CLPX: variants seen among roughly 807,000 people sequenced by gnomAD.
CLPX encodes the protein ATP-dependent clpX-like chaperone, mitochondrial.
In CLPX, 34 loss-of-function variants were observed where a neutral mutation model predicts 76.4. That is an observed-to-expected ratio of 0.45 (90% CI 0.34 to 0.59). The LOEUF is 0.59. CLPX is among the 20% of genes least tolerant of loss of function. The probability of loss-of-function intolerance (pLI) is 0.01; values close to 1 mark genes in which losing one functional copy is unlikely to be tolerated. For missense variants in CLPX, 613 were observed against 757.0 expected (o/e 0.81, Z 2.23); for synonymous variants, 248 against 270.9 (o/e 0.92, Z 0.83).
chr15:65,172,289 G>A (rs1044251528), intron 3 of CLPX, among the ~76,000 whole-genome samples: 2 of 152,168 alleles, frequency 1.3e-5, no homozygotes, highest in East Asian at 3.9e-4. Flanking sequence ...AAAAACAAGG[G>A]GCAAAAATCT....
intron 1 of CLPX, among the ~76,000 whole-genome samples, chr15:65,182,298 T>C (rs1159698415): frequency 1.3e-5 from 2 of 152,164 alleles, no homozygotes; most frequent in East Asian, 3.8e-4. Flanking sequence ...TTAAGCAGTC[T>C]GGTGAAGCCT....
chr15:65,157,690 AT>A, intron 8 of CLPX, 55 bp downstream of exon 8: 1 of 1,487,246 alleles, frequency 6.7e-7, no homozygotes, highest in Non-Finnish European at 9.1e-7. Flanking sequence ...GTCTCTTAAT[AT>A]TAGACTGATT....
chr15:65,181,184 G>A (rs1176720678), intron 1 of CLPX, among the ~76,000 whole-genome samples: 2 of 151,908 alleles, frequency 1.3e-5, no homozygotes, highest in African/African-American at 4.8e-5. Flanking sequence ...GGGCAACAGA[G>A]GGAGACTCTG....
intron 1 of CLPX, 52 bp downstream of exon 1, chr15:65,185,023 T>TCCC (rs1466341438): frequency 7.6e-6 from 11 of 1,445,986 alleles, no homozygotes; most frequent in South Asian, 2.4e-5. Flanking sequence ...CATTGGCCAG[T>TCCC]CCACCCCCCC....
intron 6 of CLPX, 80 bp from the exon 7 acceptor site, chr15:65,158,831 A>C: frequency 8.5e-7 from 1 of 1,171,496 alleles, no homozygotes; most frequent in Non-Finnish European, 1.2e-6. Flanking sequence ...CTTTTATCTA[A>C]AACTAAATAT....
At position 65,150,674 on chromosome 15, in the gene CLPX, T is replaced by C. The variant is rs961156382; in HGVS notation, c.*149A>G. 19 of 470,820 alleles carry C rather than the reference T, an allele frequency of 4.0e-5. No homozygotes were observed. Among genetic ancestry groups the C allele is most frequent in the Admixed American group, 1.0e-4 (3 of 29,562 alleles). The allele number at this position is 470,820 out of a possible 1,614,324, so 29.2% of individuals were successfully genotyped here. A position where few individuals can be genotyped will look rare whatever the true frequency, so the allele number is the denominator to read the frequency against. On this transcript the variant is annotated 3_prime_UTR_variant, in exon 14 of 14. Transcript: ENST00000300107. Reference sequence around the variant, plus strand: ...AAATCAATGTGATGTTACAATTATATACATGATCTGATTCTTCTCCTAAAG... The same window carrying C: ...AAATCAATGTGATGTTACAATTATACACATGATCTGATTCTTCTCCTAAAG...
intron 7 of CLPX, 46 bp from the exon 8 acceptor site, chr15:65,157,956 CA>C: frequency 6.7e-7 from 1 of 1,486,942 alleles, no homozygotes; most frequent in Admixed American, 2.3e-5. Flanking sequence ...AATATATTGG[CA>C]CACAATTTTT....
intron 1 of CLPX, among the ~76,000 whole-genome samples, chr15:65,181,033 T>C (rs1342359953): frequency 6.6e-6 from 1 of 151,638 alleles, no homozygotes; most frequent in Non-Finnish European, 1.5e-5. Context: ...ACCCTGTCTC[T>C]ACTAAAAATA....
chr15:65,155,478 G>A (rs1416034396), intron 10 of CLPX, among the ~76,000 whole-genome samples: 1 of 152,088 alleles, frequency 6.6e-6, no homozygotes, highest in Non-Finnish European at 1.5e-5. Flanking sequence ...GAACTCCTGA[G>A]CTCAGGCAAT....
chr15:65,149,434 C>T lies in CLPX; in HGVS notation c.*1389G>A, dbSNP rs2087691642. ...AGGTTGCAGTGAGCCAAGATTGTGGCACTGTACTCCAGCCTGGGTGACACA... is the reference window on the plus strand; with the variant it reads ...AGGTTGCAGTGAGCCAAGATTGTGGTACTGTACTCCAGCCTGGGTGACACA... On this transcript the variant is annotated 3_prime_UTR_variant, in exon 14 of 14. Coordinates refer to ENST00000300107, the MANE Select transcript of CLPX (RefSeq NM_006660.5). 6 of 279,480 alleles carry T rather than the reference C, an allele frequency of 2.1e-5. No homozygotes were observed. The highest frequency in any genetic ancestry group is 1.9e-4 in the South Asian group (6 of 31,298). The allele number at this position is 279,480 out of a possible 1,614,324, so 17.3% of individuals were successfully genotyped here.
rs577312392 is a variant in CLPX at position 65,165,091 on chromosome 15, C to T, written c.514-903G>A. Among the ~76,000 whole-genome samples, 5 of 152,144 alleles carry T rather than the reference C, an allele frequency of 3.3e-5. No homozygotes were observed. In the South Asian group the frequency reaches 1.0e-3, roughly 32 times the overall value. ...GTGGCTCACGGCTGTAATCCCTGCA[C>T]TTTGGGAGGCTGAGGCGGATGGATC... On this transcript the variant is annotated intron_variant, in intron 4 of 13. Transcript: ENST00000300107.
In CLPX at chr15:65,165,560, T is replaced by C. The variant is rs541483658; in HGVS notation, c.513+1071A>G. ...CACCACGCCGGGCTAATTTTTTGTA[T>C]TTTTTTAGTAGAGACGGGGTTTCAC... On this transcript the variant is annotated intron_variant, in intron 4 of 13. Transcript: ENST00000300107. 1.6e-4 allele frequency among the ~76,000 whole-genome samples: 24 copies of C among 151,476 alleles called. No homozygotes were observed. The South Asian group carries it at 5.0e-3, about 32-fold the overall frequency.
Position 65,164,073 on chromosome 15 carries a change from C to T in CLPX, c.629G>A (p.Arg210Lys), listed in dbSNP as rs370213005. 4 of 1,613,390 alleles carry T rather than the reference C, an allele frequency of 2.5e-6. No individual in the cohort carries two copies. Among genetic ancestry groups the T allele is most frequent in the Middle Eastern group, 1.6e-4 (1 of 6,068 alleles). Reference protein sequence around the residue: ...RIYNNIPANLRQQAEVEKQTS... With the variant: ...RIYNNIPANLKQQAEVEKQTS... ...CTGCTTCTCAACCTCTGCTTGCTGTCTCAGATTAGCTGGGATATTATTATA... is the reference window on the plus strand; with the variant it reads ...CTGCTTCTCAACCTCTGCTTGCTGTTTCAGATTAGCTGGGATATTATTATA... Residue 210 changes from arginine (R) to lysine (K), a missense_variant, in exon 5 of 14, where the codon AGA becomes AAA. Coordinates refer to ENST00000300107, the MANE Select transcript of CLPX (RefSeq NM_006660.5).
chr15:65,168,016 G>T (rs1226660277), intron 3 of CLPX, among the ~76,000 whole-genome samples: 1 of 151,830 alleles, frequency 6.6e-6, no homozygotes, highest in South Asian at 2.1e-4. Context: ...ATACTGATTG[G>T]ATTTAAAGAT....
At position 65,148,744 on chromosome 15, in the gene CLPX, A is replaced by C. The variant is rs1200278005; in HGVS notation, c.*2079T>G. ...TCGAGTCTATAAACCAAAAAAAAAA[A>C]CCCACAAATATTTACATGTACTCTG... On this transcript the variant is annotated 3_prime_UTR_variant, in exon 14 of 14. Transcript: ENST00000300107. 6.6e-6 allele frequency: 1 copy of C among 151,862 alleles called. No homozygotes were observed. Among genetic ancestry groups the C allele is most frequent in the East Asian group, 1.9e-4 (1 of 5,204 alleles). 9.4% of individuals were successfully genotyped at this position (151,862 alleles called of 1,614,324 possible).
At chr15:65,164,260 C>T in intron 4 of CLPX, 72 bp from the exon 5 acceptor site, 5 of 1,243,042 alleles carry the variant, frequency 4.0e-6, no homozygotes, top group Non-Finnish European at 5.6e-6. Context: ...AAGTTATTTA[C>T]TAAGCATATT....
intron 3 of CLPX, among the ~76,000 whole-genome samples, chr15:65,171,151 A>G (rs1015758989): frequency 6.6e-6 from 1 of 152,014 alleles, no homozygotes; most frequent in Non-Finnish European, 1.5e-5. Flanking sequence ...AAGACTAATT[A>G]AAAACACATT....
At chr15:65,164,290 G>A in intron 4 of CLPX, 102 bp from the exon 5 acceptor site, 2 of 883,838 alleles carry the variant, frequency 2.3e-6, no homozygotes, top group South Asian at 1.9e-5. Context: ...TTTTAAATCT[G>A]AACAAAGACT....
chr15:65,165,375 ATTTTTTT>A (rs34678725), intron 4 of CLPX, among the ~76,000 whole-genome samples: 83 of 69,216 alleles, frequency 1.2e-3, no homozygotes, highest in African/African-American at 3.3e-3. Flanking sequence ...AACTGCCTGG[ATTTTTTT>A]TTTTTTTTTT....
Sources: allele counts gnomAD v4.1 joint callset (sites outside exome capture counted in the v4.1 genomes callset), GRCh38; gene constraint gnomAD v4.1.1; transcripts MANE v1.5; gene names NCBI Gene and HGNC (gene_info 2026-07-23, HGNC 2026-07-21).